Variants in LONP1 observed in about 807,000 individuals in gnomAD.
LONP1 encodes the protein lon peptidase 1, mitochondrial.
A neutral mutation model predicts 98.5 loss-of-function variants in LONP1; 31 were observed. That is an observed-to-expected ratio of 0.31 (90% CI 0.24 to 0.42). The LOEUF (loss-of-function observed/expected upper bound fraction) is 0.42, where lower values mean the gene tolerates loss of function less well. Among genes scored for constraint, LONP1 ranks in the 20% least tolerant of loss-of-function variants. The pLI is 1.00. For synonymous variants in LONP1, 781 were observed against 594.7 expected (o/e 1.31, Z -4.56); for missense variants, 1,336 against 1,350.6 (o/e 0.99, Z 0.17).
At chr19:5,703,688 T>A (rs1599463980) in intron 8 of LONP1, among the ~76,000 whole-genome samples, 1 of 150,446 alleles carries the variant, frequency 6.6e-6, no homozygotes, top group East Asian at 2.0e-4. Context: ...TAGAGACACA[T>A]GAAGTCACTG....
chr19:5,713,167 T>C lies in LONP1; in HGVS notation c.605A>G (p.Asp202Gly). ...AQIHEMQDLGDKLRMIVMGHR... is the reference protein window; with the variant it reads ...AQIHEMQDLGGKLRMIVMGHR... ...TCCCATGACGATCATGCGCAGCTTG[T>C]CCCCAAGGTCCTGCATCTCATGGAT... Residue 202 changes from aspartate (D) to glycine (G), a missense_variant, in exon 3 of 18, where the codon GAC becomes GGC. This residue lies in a region of LONP1 where 457 missense variants were observed against 403.1 expected (regional missense o/e 1.13). Transcript: ENST00000360614. 1.9e-6 allele frequency: 3 copies of C among 1,614,090 alleles called. No individual in the cohort carries two copies. The highest frequency in any genetic ancestry group is 2.5e-6 in the Non-Finnish European group (3 of 1,180,008).
Position 5,691,939 on chromosome 19 carries a change from GCT to G in LONP1, c.*91_*92del. 1.0e-6 allele frequency: 1 copy of G among 962,748 alleles called. No homozygotes were observed. The highest frequency in any genetic ancestry group is 1.5e-6 in the Non-Finnish European group (1 of 676,656). 59.6% of individuals were successfully genotyped at this position (962,748 alleles called of 1,614,324 possible). On this transcript the variant is annotated 3_prime_UTR_variant, in exon 18 of 18. Transcript: ENST00000360614. ...ACTGGACCGAGCTGCTCGCTCGGTG[GCT>G]CCACTGCCAGGTCCGGGCGCGCTCC...
At chr19:5,709,187 A>C (rs115301640) in intron 4 of LONP1, among the ~76,000 whole-genome samples, 2,030 of 146,090 alleles carry the variant, frequency 0.014, 53 homozygotes, top group African/African-American at 0.049. Context: ...CCTACAACCA[A>C]ATTTTAATCA....
chr19:5,712,990 C>T, intron 3 of LONP1, 144 bp downstream of exon 3: 1 of 1,119,006 alleles, frequency 8.9e-7, no homozygotes, highest in Non-Finnish European at 1.3e-6. Flanking sequence ...TCACTCTCAC[C>T]CCCAGCTCTG....
intron 4 of LONP1, among the ~76,000 whole-genome samples, chr19:5,711,019 T>C (rs1239449484): frequency 2.7e-5 from 4 of 150,894 alleles, no homozygotes; most frequent in African/African-American, 9.8e-5. Context: ...AGAGCCAGAC[T>C]CTGTCTCAAA....
At chr19:5,700,949 G>A (rs535508430) in intron 8 of LONP1, 22 bp from the exon 9 acceptor site, 8 of 1,613,918 alleles carry the variant, frequency 5.0e-6, no homozygotes, top group African/African-American at 4.0e-5. Context: ...CAGATGGAGA[G>A]ATGCTGAGTG....
intron 13 of LONP1, among the ~76,000 whole-genome samples, chr19:5,695,611 C>CA (rs1344487086): frequency 1.3e-5 from 2 of 152,180 alleles, no homozygotes; most frequent in Non-Finnish European, 2.9e-5. Context: ...GAAATGCACT[C>CA]AGCACCTTTG....
intron 17 of LONP1, among the ~76,000 whole-genome samples, chr19:5,692,673 C>T (rs1326828442): frequency 6.6e-6 from 1 of 152,212 alleles, no homozygotes; most frequent in African/African-American, 2.4e-5. Context: ...CTTGAAAGGA[C>T]AGCAGTTCCC....
At chr19:5,718,156 G>C (rs1413159088) in intron 1 of LONP1, among the ~76,000 whole-genome samples, 2 of 152,066 alleles carry the variant, frequency 1.3e-5, no homozygotes, top group African/African-American at 4.8e-5. Flanking sequence ...CTGGGGGCCT[G>C]CATCAGTAAC....
In LONP1 at chr19:5,707,689, G is replaced by C. The variant is rs1356442097; in HGVS notation, c.1062+8C>G. 3 of 1,605,440 alleles carry C rather than the reference G, an allele frequency of 1.9e-6. No homozygotes were observed. On this transcript the variant is annotated splice_region_variant and intron_variant, in intron 6 of 17. Coordinates refer to ENST00000360614, the MANE Select transcript of LONP1 (RefSeq NM_004793.4). ...GCGTGGGGGGCTGTGGAGGTGACGAGCACTCACATTGGTCTCTTCCAGGAC... is the reference window on the plus strand; with the variant it reads ...GCGTGGGGGGCTGTGGAGGTGACGACCACTCACATTGGTCTCTTCCAGGAC...
chr19:5,707,832 G>A lies in LONP1; in HGVS notation c.933-6C>T, dbSNP rs1599469948. Reference sequence around the variant, plus strand: ...TCATCTGCAGCACTGACTCCCTGGGGGACAAAGGGAGCTGCCTCGGTGGCC... The same window carrying A: ...TCATCTGCAGCACTGACTCCCTGGGAGACAAAGGGAGCTGCCTCGGTGGCC... On this transcript the variant is annotated splice_polypyrimidine_tract_variant and splice_region_variant and intron_variant, in intron 5 of 17. Coordinates refer to ENST00000360614, the MANE Select transcript of LONP1 (RefSeq NM_004793.4). 1 of 1,612,508 alleles carries A rather than the reference G, an allele frequency of 6.2e-7. No homozygotes were observed. The highest frequency in any genetic ancestry group is 1.7e-5 in the Admixed American group (1 of 59,928).
intron 10 of LONP1, among the ~76,000 whole-genome samples, chr19:5,697,357 G>A (rs1022202481): frequency 3.3e-5 from 5 of 151,740 alleles, no homozygotes; most frequent in African/African-American, 7.3e-5. Context: ...GAGAGGCCCC[G>A]AGCAACGCAC....
rs757878491 is a variant in LONP1 at position 5,696,757 on chromosome 19, C to G, written c.1686G>C (p.Arg562Ser). 1 of 1,610,672 alleles carries G rather than the reference C, an allele frequency of 6.2e-7. No individual in the cohort carries two copies. Residue 562 changes from arginine to serine, a missense_variant and splice_region_variant, in exon 11 of 18, where the codon AGG becomes AGC. Coordinates refer to ENST00000360614, the MANE Select transcript of LONP1 (RefSeq NM_004793.4). ...CGGGCATGGCGCCCACGTAGGTCCG[C>G]CTGTGGGTGCACAGCGGGGTCAGAG... ...MTDVAEIKGHRRTYVGAMPGK... is the reference protein window; with the variant it reads ...MTDVAEIKGHSRTYVGAMPGK...
In LONP1 at chr19:5,696,146, C is replaced by T. The variant is rs34402166; in HGVS notation, c.1921G>A (p.Val641Ile). The T allele has an allele frequency of 1.8e-3, 2,929 of 1,612,958 alleles. 50 individuals carry two copies. The East Asian group carries it at 0.029, about 16-fold the overall frequency. The change falls in exon 13 of 18, where the codon GTC (valine) becomes ATC (isoleucine). Residue 641 changes from valine (V) to isoleucine (I), a missense_variant. Val to Ile is a conservative substitution (Grantham distance 29, BLOSUM62 3). Around this residue, in one of 5 missense-constraint regions of LONP1, gnomAD observed 555 missense variants for 542.6 expected, o/e 1.02. Coordinates refer to ENST00000360614, the MANE Select transcript of LONP1 (RefSeq NM_004793.4). ...AGCGGCTCGGGGATGGTGTCCGTGA[C>T]GTTGGCCGTGCAGATGAACAGCACC... ...SKVLFICTAN[V>I]TDTIPEPLRD...
intron 3 of LONP1, 32 bp downstream of exon 3, chr19:5,713,102 C>T: frequency 1.2e-6 from 2 of 1,613,560 alleles, no homozygotes; most frequent in Non-Finnish European, 1.7e-6. Flanking sequence ...TACTCTGCCC[C>T]CACCTCCCAC....
At chr19:5,708,074 G>T in intron 5 of LONP1, 1 of 609,810 alleles carries the variant, frequency 1.6e-6, no homozygotes, top group Non-Finnish European at 2.9e-6. Context: ...CCTCACCTCA[G>T]CAGTCTGCTC....
Position 5,696,852 on chromosome 19 carries a change from T to G in LONP1, c.1686-95A>C, listed in dbSNP as rs2054940617. On this transcript the variant is annotated intron_variant, in intron 10 of 17. Transcript: ENST00000360614. ...CCAGGGCCACAGGGGAGAGGCCACC[T>G]GGAGCCCCACAAGATGTGGCCATGA... The G allele has an allele frequency of 2.3e-5, 18 of 769,474 alleles. 1 individual carries two copies. The highest frequency in any genetic ancestry group is 3.8e-5 in the Non-Finnish European group (18 of 470,014). The allele number at this position is 769,474 out of a possible 1,614,324, so 47.7% of individuals were successfully genotyped here.
At chr19:5,713,933 CAT>C (rs1288347895) in intron 2 of LONP1, among the ~76,000 whole-genome samples, 3 of 152,222 alleles carry the variant, frequency 2.0e-5, no homozygotes, top group Non-Finnish European at 4.4e-5. Flanking sequence ...CCTCATGGAG[CAT>C]TTCATCACTA....
intron 13 of LONP1, among the ~76,000 whole-genome samples, chr19:5,695,139 T>C (rs1188672707): frequency 2.6e-5 from 4 of 151,982 alleles, no homozygotes; most frequent in Admixed American, 6.6e-5. Context: ...AATGGTATCT[T>C]AGATGCCGCT....
Sources: gnomAD v4.1 joint callset for allele counts (sites outside exome capture counted in the v4.1 genomes callset) on GRCh38, gnomAD v4.1.1 for gene constraint, gnomAD v4.1.1 regional missense constraint, MANE v1.5 for transcripts, NCBI Gene and HGNC (gene_info 2026-07-23, HGNC 2026-07-21) for gene names.